Variants in DIAPH2 observed in about 807,000 individuals in gnomAD.
DIAPH2 encodes protein diaphanous homolog 2.
DIAPH2 carries 35 observed loss-of-function variants against 92.7 expected under a neutral mutation model. The observed-to-expected ratio is 0.38, with a 90% CI of 0.29 to 0.50. The LOEUF (loss-of-function observed/expected upper bound fraction) is 0.50. Among genes scored for constraint, DIAPH2 ranks in the 20% least tolerant of loss-of-function variants. DIAPH2 has a pLI of 0.94. For synonymous variants in DIAPH2, 301 were observed against 280.4 expected (o/e 1.07, Z -0.73); for missense variants, 701 against 819.5 (o/e 0.86, Z 1.77).
chrX:97,471,690 C>CTA (rs2070564651), intron 26 of DIAPH2, among the ~76,000 whole-genome samples: 1 of 44,954 alleles, frequency 2.2e-5, no homozygotes, highest in African/African-American at 9.3e-5. Context: ...AAATCCGTCT[C>CTA]AAAAAAAAAA....
intron 21 of DIAPH2, among the ~76,000 whole-genome samples, chrX:97,137,268 TAC>T (rs2067177163): frequency 1.9e-5 from 1 of 51,621 alleles, no homozygotes; most frequent in Non-Finnish European, 3.4e-5. Context: ...AACGCAGTTA[TAC>T]ATATATATAT....
chrX:96,717,303 G>C (rs141537620), intron 1 of DIAPH2, among the ~76,000 whole-genome samples: 1 of 110,746 alleles, frequency 9.0e-6, no homozygotes, highest in Non-Finnish European at 1.9e-5. Context: ...AGTCTTGTTC[G>C]GGGCCTCCAT....
chrX:97,562,665 T>A (rs1441546807), intron 26 of DIAPH2, among the ~76,000 whole-genome samples: 2 of 112,118 alleles, frequency 1.8e-5, no homozygotes, highest in African/African-American at 3.2e-5. Context: ...TCGTGCTGCT[T>A]CTACTTATGG....
At chrX:97,498,332 C>A (rs2070773719) in intron 26 of DIAPH2, among the ~76,000 whole-genome samples, 1 of 111,941 alleles carries the variant, frequency 8.9e-6, no homozygotes, top group Non-Finnish European at 1.9e-5. Flanking sequence ...GCTTCTGCTT[C>A]TGCCTAACAT....
chrX:97,403,930 A>G (rs1471941457), intron 25 of DIAPH2, among the ~76,000 whole-genome samples: 2 of 106,981 alleles, frequency 1.9e-5, no homozygotes, highest in Non-Finnish European at 3.8e-5. Context: ...TTGGCTCACC[A>G]CAACCTCTGC....
intron 24 of DIAPH2, among the ~76,000 whole-genome samples, chrX:97,371,741 A>G (rs1431745030): frequency 9.0e-6 from 1 of 111,556 alleles, no homozygotes; most frequent in Admixed American, 9.5e-5. Flanking sequence ...TGCCTCTCCC[A>G]TCTTCTAAGA....
intron 4 of DIAPH2, among the ~76,000 whole-genome samples, chrX:96,849,524 A>G (rs1282493869): frequency 9.0e-6 from 1 of 111,353 alleles, no homozygotes. Flanking sequence ...GATGCCCACT[A>G]TTTGTGTAGG....
rs189277395 is a variant in DIAPH2 at position 96,712,612 on chromosome X, A to G, written c.133-23146A>G. On this transcript the variant is annotated intron_variant, in intron 1 of 26. Coordinates refer to ENST00000324765, the MANE Select transcript of DIAPH2 (RefSeq NM_006729.5). The stretch of plus-strand genomic sequence containing the variant: ...ATTGCCTGCCTGCTATGATAGAAGA[A>G]GATTAATCTCACATCAATCTTCATC... 2.7e-5 allele frequency among the ~76,000 whole-genome samples: 3 copies of G among 111,471 alleles called. No individual in the cohort carries two copies. The Admixed American group carries it at 2.9e-4, about 11-fold the overall frequency.
chrX:96,939,015 G>A (rs2065676170), intron 11 of DIAPH2, among the ~76,000 whole-genome samples: 2 of 111,200 alleles, frequency 1.8e-5, no homozygotes, highest in African/African-American at 6.5e-5. Context: ...TATGTATAAC[G>A]GATCATTTAA....
intron 24 of DIAPH2, among the ~76,000 whole-genome samples, chrX:97,357,687 A>G (rs903789580): frequency 8.9e-6 from 1 of 112,122 alleles, no homozygotes; most frequent in Non-Finnish European, 1.9e-5. Context: ...ATATGTATGA[A>G]TGGCTTAATG....
At chrX:96,856,324 TG>T (rs968232999) in intron 4 of DIAPH2, among the ~76,000 whole-genome samples, 4 of 111,171 alleles carry the variant, frequency 3.6e-5, no homozygotes, top group Middle Eastern at 4.6e-3. Flanking sequence ...TGGGGCCCTC[TG>T]GGTGATAAAA....
intron 1 of DIAPH2, among the ~76,000 whole-genome samples, chrX:96,696,547 T>C (rs1236669200): frequency 8.9e-6 from 1 of 112,253 alleles, no homozygotes; most frequent in Non-Finnish European, 1.9e-5. Flanking sequence ...CAGTTAACTT[T>C]ATTGTCCTGT....
intron 21 of DIAPH2, among the ~76,000 whole-genome samples, chrX:97,126,539 G>T (rs1220227024): frequency 8.9e-6 from 1 of 112,177 alleles, no homozygotes; most frequent in East Asian, 2.8e-4. Flanking sequence ...ATAAAGAGAA[G>T]TAAAACATAC....
At chrX:97,575,062 T>C (rs1317804958) in intron 26 of DIAPH2, among the ~76,000 whole-genome samples, 1 of 112,661 alleles carries the variant, frequency 8.9e-6, no homozygotes, top group Non-Finnish European at 1.9e-5. Context: ...AAGGGAAGGA[T>C]TCTCGGATGA....
At chrX:96,863,210 T>C (rs1196983485) in intron 4 of DIAPH2, among the ~76,000 whole-genome samples, 1 of 108,256 alleles carries the variant, frequency 9.2e-6, no homozygotes, top group Non-Finnish European at 1.9e-5. Flanking sequence ...CCTGCTTTGT[T>C]ATGAGTCCTT....
chrX:97,346,871 T>C (rs990129183), intron 23 of DIAPH2, among the ~76,000 whole-genome samples: 2 of 110,907 alleles, frequency 1.8e-5, no homozygotes, highest in African/African-American at 6.6e-5. Context: ...AAGAGAATCA[T>C]TTTCTTGCCT....
At chrX:97,530,986 T>C (rs1259961823) in intron 26 of DIAPH2, among the ~76,000 whole-genome samples, 1 of 110,858 alleles carries the variant, frequency 9.0e-6, no homozygotes, top group East Asian at 2.8e-4. Context: ...GCAGGTTCAG[T>C]GGAGTGGTGG....
chrX:97,094,276 C>A (rs758205323), intron 19 of DIAPH2, among the ~76,000 whole-genome samples: 9 of 111,479 alleles, frequency 8.1e-5, no homozygotes, highest in East Asian at 2.8e-4. Context: ...AAAGTCAATG[C>A]GCCTTCTAGG....
intron 22 of DIAPH2, among the ~76,000 whole-genome samples, chrX:97,179,391 T>G (rs1236014382): frequency 9.1e-6 from 1 of 110,238 alleles, no homozygotes; most frequent in Non-Finnish European, 1.9e-5. Context: ...AGCCCGTGTG[T>G]GATGTTCCCC....
Sources: allele counts gnomAD v4.1 joint callset (sites outside exome capture counted in the v4.1 genomes callset), GRCh38; gene constraint gnomAD v4.1.1; transcripts MANE v1.5; gene names NCBI Gene and HGNC (gene_info 2026-07-23, HGNC 2026-07-21).